Variants in NELL1 observed in about 807,000 individuals in gnomAD.
The protein encoded by NELL1 is neural EGFL like 1, also known as protein kinase C-binding protein NELL1.
Under a neutral mutation model 107.4 loss-of-function variants are expected in NELL1, and 76 were observed. The observed-to-expected ratio is 0.71, with a 90% CI of 0.59 to 0.86. The LOEUF is 0.86. Ranked by LOEUF, NELL1 falls within the 40% of genes least tolerant of loss-of-function variation. NELL1 has a pLI of 0.00. For synonymous variants in NELL1, 353 were observed against 341.2 expected (o/e 1.03, Z -0.38); for missense variants, 1,024 against 1,005.5 (o/e 1.02, Z -0.25).
intron 15 of NELL1, among the ~76,000 whole-genome samples, chr11:21,453,808 CTTT>C (rs58447670): frequency 1.4e-5 from 2 of 139,554 alleles, no homozygotes; most frequent in Non-Finnish European, 1.6e-5. Flanking sequence ...TTTTCTTTCC[CTTT>C]TTTTTTTTTT....
intron 2 of NELL1, among the ~76,000 whole-genome samples, chr11:20,748,923 T>TCCAG (rs1856070005): frequency 7.0e-6 from 1 of 143,190 alleles, no homozygotes; most frequent in Non-Finnish European, 1.5e-5. Context: ...CATCCATCCA[T>TCCAG]CCATCCATCC....
At chr11:21,313,605 A>G (rs1849797549) in intron 14 of NELL1, among the ~76,000 whole-genome samples, 1 of 152,112 alleles carries the variant, frequency 6.6e-6, no homozygotes, top group Non-Finnish European at 1.5e-5. Flanking sequence ...TATACTTCTT[A>G]CAGTTCTAGA....
At chr11:21,485,951 T>C (rs972581655) in intron 15 of NELL1, among the ~76,000 whole-genome samples, 1 of 152,074 alleles carries the variant, frequency 6.6e-6, no homozygotes, top group Non-Finnish European at 1.5e-5. Context: ...AGTACCTACC[T>C]GTACAAGCCA....
intron 2 of NELL1, among the ~76,000 whole-genome samples, chr11:20,693,079 G>A (rs1428542339): frequency 2.0e-5 from 3 of 151,786 alleles, no homozygotes; most frequent in Non-Finnish European, 4.4e-5. Flanking sequence ...TTGGTTTAAA[G>A]TCTGTTTTAT....
chr11:21,257,837 A>T (rs1442786936), intron 14 of NELL1, among the ~76,000 whole-genome samples: 3 of 151,988 alleles, frequency 2.0e-5, no homozygotes, highest in Non-Finnish European at 4.4e-5. Context: ...TATCCATGAC[A>T]GTGTCCACAA....
chr11:21,539,130 T>C (rs1856222369), intron 16 of NELL1, among the ~76,000 whole-genome samples: 1 of 152,186 alleles, frequency 6.6e-6, no homozygotes, highest in Middle Eastern at 3.4e-3. Context: ...CTGACCCCCT[T>C]AGTAGGACTT....
chr11:21,255,476 G>A (rs982766705), intron 14 of NELL1, among the ~76,000 whole-genome samples: 2 of 151,948 alleles, frequency 1.3e-5, no homozygotes, highest in African/African-American at 2.4e-5. Context: ...AGCTTTGGAG[G>A]AAGAATTAGA....
At chr11:21,020,746 A>G (rs1481406054) in intron 12 of NELL1, among the ~76,000 whole-genome samples, 1 of 151,882 alleles carries the variant, frequency 6.6e-6, no homozygotes, top group Non-Finnish European at 1.5e-5. Flanking sequence ...GGATACATAG[A>G]TTTATGTCAG....
chr11:20,671,058 GCGGCTTT>G (rs1423084919), intron 1 of NELL1: 1 of 152,314 alleles, frequency 6.6e-6, no homozygotes, highest in Non-Finnish European at 1.5e-5. Context: ...TGAGCAGGCA[GCGGCTTT>G]CGTCTGGTTA....
intron 12 of NELL1, among the ~76,000 whole-genome samples, chr11:21,088,844 G>A (rs1025681936): frequency 6.6e-6 from 1 of 152,124 alleles, no homozygotes; most frequent in African/African-American, 2.4e-5. Flanking sequence ...AAAGAGGTAC[G>A]AAGTCCTTCA....
At chr11:20,793,937 GATAA>G (rs1390840487) in intron 3 of NELL1, among the ~76,000 whole-genome samples, 1 of 152,076 alleles carries the variant, frequency 6.6e-6, no homozygotes, top group African/African-American at 2.4e-5. Flanking sequence ...AAAATGTATA[GATAA>G]ATACAGACAT....
intron 14 of NELL1, among the ~76,000 whole-genome samples, chr11:21,298,432 T>A (rs1480740089): frequency 6.6e-6 from 1 of 152,010 alleles, no homozygotes; most frequent in Non-Finnish European, 1.5e-5. Flanking sequence ...CTTCCCTTCT[T>A]TGGTGCTCAG....
intron 13 of NELL1, among the ~76,000 whole-genome samples, chr11:21,212,409 T>A (rs1401227739): frequency 6.6e-6 from 1 of 151,850 alleles, no homozygotes; most frequent in Non-Finnish European, 1.5e-5. Flanking sequence ...TACACTAGAG[T>A]CTTTTGGTTC....
chr11:21,153,868 C>G (rs1350157179), intron 13 of NELL1, among the ~76,000 whole-genome samples: 2 of 152,110 alleles, frequency 1.3e-5, no homozygotes, highest in African/African-American at 4.8e-5. Context: ...AGTTATTTCT[C>G]TTTAGAAGTG....
intron 2 of NELL1, among the ~76,000 whole-genome samples, chr11:20,702,240 G>T (rs1464851183): frequency 6.6e-6 from 1 of 152,076 alleles, no homozygotes. Flanking sequence ...TTGTAAATTG[G>T]ATTCCTAGGT....
At chr11:21,564,090 T>A (rs1856914203) in intron 17 of NELL1, among the ~76,000 whole-genome samples, 1 of 151,924 alleles carries the variant, frequency 6.6e-6, no homozygotes, top group Non-Finnish European at 1.5e-5. Context: ...GGATTTAGAC[T>A]TCATCCTGTG....
At chr11:21,024,793 C>G (rs1852777727) in intron 12 of NELL1, among the ~76,000 whole-genome samples, 1 of 152,116 alleles carries the variant, frequency 6.6e-6, no homozygotes, top group Non-Finnish European at 1.5e-5. Context: ...TCAGACTATT[C>G]TTCCACCTTT....
chr11:20,807,775 C>T (rs1406431667), intron 3 of NELL1, among the ~76,000 whole-genome samples: 1 of 152,108 alleles, frequency 6.6e-6, no homozygotes, highest in Non-Finnish European at 1.5e-5. Context: ...AAAGAATCGT[C>T]CCAGTTTTCC....
chr11:21,143,278 A>G (rs1479758329), intron 13 of NELL1, among the ~76,000 whole-genome samples: 1 of 152,208 alleles, frequency 6.6e-6, no homozygotes, highest in Non-Finnish European at 1.5e-5. Flanking sequence ...AGCTTGCAGG[A>G]GAATTCTTCT....
Sources: allele counts gnomAD v4.1 joint callset (sites outside exome capture counted in the v4.1 genomes callset), GRCh38; gene constraint gnomAD v4.1.1; transcripts MANE v1.5; gene names NCBI Gene and HGNC (gene_info 2026-07-23, HGNC 2026-07-21).